Variants in ADAM9 observed in about 807,000 individuals in gnomAD.
The protein encoded by ADAM9 is ADAM metallopeptidase domain 9, also known as disintegrin and metalloproteinase domain-containing protein 9.
Under a neutral mutation model 108.1 loss-of-function variants are expected in ADAM9, and 54 were observed. The ratio of observed to expected loss-of-function variants is 0.50; its 90% CI spans 0.40 to 0.63. The LOEUF (loss-of-function observed/expected upper bound fraction) is 0.63, where lower values mean the gene tolerates loss of function less well. ADAM9 is among the 20% of genes least tolerant of loss of function. The pLI is 0.00. For synonymous variants in ADAM9, 316 were observed against 336.0 expected, an observed-to-expected ratio of 0.94 and a Z score of 0.65; for missense variants, 830 against 997.7, an observed-to-expected ratio of 0.83 and a Z score of 2.26.
At chr8:39,055,971 CTA>C (rs1241085965) in intron 14 of ADAM9, among the ~76,000 whole-genome samples, 199 bp downstream of exon 14, 2 of 151,946 alleles carry the variant, frequency 1.3e-5, no homozygotes, top group African/African-American at 4.8e-5. Context: ...TTTTTACTGT[CTA>C]TATCTTTTTA....
chr8:39,092,595 A>G (rs894603822), intron 20 of ADAM9, among the ~76,000 whole-genome samples: 2 of 152,020 alleles, frequency 1.3e-5, no homozygotes, highest in Non-Finnish European at 2.9e-5. Flanking sequence ...CATTTTAACC[A>G]TTGTTTTCAA....
At position 39,007,938 on chromosome 8, in the gene ADAM9, A is replaced by G. The variant is rs1321635082; in HGVS notation, c.150A>G (p.Arg50=). 1.1e-5 allele frequency: 18 copies of G among 1,612,286 alleles called. No individual in the cohort carries two copies. The highest frequency in any genetic ancestry group is 1.5e-5 in the Non-Finnish European group (18 of 1,179,240). Residue 50 remains arginine (R), a synonymous_variant, in exon 2 of 22, where the codon AGA becomes AGG. Coordinates refer to ENST00000487273, the MANE Select transcript of ADAM9 (RefSeq NM_003816.3). ...CTTATGAAATTATAACTCCTTGGAG[A>G]TTAACTAGAGAAAGAAGAGAAGCCC... ...LSSYEIITPW[R]LTRERREAPR...
intron 14 of ADAM9, among the ~76,000 whole-genome samples, chr8:39,064,928 G>C (rs1395150142): frequency 6.6e-6 from 1 of 152,100 alleles, no homozygotes; most frequent in Non-Finnish European, 1.5e-5. Flanking sequence ...TTTATACCTA[G>C]CTTTTCCCTC....
chr8:39,080,097 ATTAT>A lies in ADAM9; in HGVS notation c.1882-2537_1882-2534del, dbSNP rs138198898. Among the ~76,000 whole-genome samples, 1,374 of 152,040 alleles carry A rather than the reference ATTAT, an allele frequency of 9.0e-3. 19 individuals are homozygous for A. The highest frequency in any genetic ancestry group is 0.029 in the African/African-American group (1,198 of 41,486). ...ATCTTCCTCTTGCAGTATTACACAAATTATTTATTTGTGTGTGGGGTGTGTGTGT... is the reference window on the plus strand; with the variant it reads ...ATCTTCCTCTTGCAGTATTACACAAATTATTTGTGTGTGGGGTGTGTGTGT... On this transcript the variant is annotated intron_variant, in intron 16 of 21. Coordinates refer to ENST00000487273, the MANE Select transcript of ADAM9 (RefSeq NM_003816.3).
At chr8:39,011,092 CAA>C (rs34155093) in intron 2 of ADAM9, among the ~76,000 whole-genome samples, 19 of 72,894 alleles carry the variant, frequency 2.6e-4, no homozygotes, top group Non-Finnish European at 2.4e-4. Flanking sequence ...GACTCCATCT[CAA>C]AAAAAAAAAA....
chr8:39,086,129 C>T (rs1478490602), intron 18 of ADAM9, among the ~76,000 whole-genome samples: 2 of 152,092 alleles, frequency 1.3e-5, no homozygotes. Flanking sequence ...ATTCTTATGC[C>T]TCAGCCTCCT....
At position 39,042,172 on chromosome 8, in the gene ADAM9, A is replaced by G. The variant is rs985136454; in HGVS notation, c.1302+55A>G. The G allele has an allele frequency of 1.5e-4, 241 of 1,601,352 alleles. 3 individuals carry two copies. In the Admixed American group the frequency reaches 3.9e-3, roughly 26 times the overall value. Reference sequence around the variant, plus strand: ...AAAATTGCCATGATATTTGCAAGAAATAAAATGGCTTGCTTTGGGCAACTC... The same window carrying G: ...AAAATTGCCATGATATTTGCAAGAAGTAAAATGGCTTGCTTTGGGCAACTC... On this transcript the variant is annotated intron_variant, in intron 12 of 21. Transcript: ENST00000487273.
chr8:39,092,361 C>G (rs1350102357), intron 20 of ADAM9, among the ~76,000 whole-genome samples: 6 of 149,288 alleles, frequency 4.0e-5, no homozygotes. Context: ...CACACAATCT[C>G]CCTATTCCAC....
intron 2 of ADAM9, among the ~76,000 whole-genome samples, chr8:39,010,779 A>G (rs943927099): frequency 2.6e-5 from 4 of 152,088 alleles, no homozygotes; most frequent in African/African-American, 4.8e-5. Context: ...GAGACACACC[A>G]TATTGTTTTA....
intron 12 of ADAM9, among the ~76,000 whole-genome samples, chr8:39,046,677 A>C (rs1837784632): frequency 6.6e-6 from 1 of 152,098 alleles, no homozygotes; most frequent in African/African-American, 2.4e-5. Context: ...AAGGGTGTAG[A>C]ATTTTATCAA....
chr8:39,032,968 T>C (rs533237533), intron 11 of ADAM9, among the ~76,000 whole-genome samples: 1 of 152,308 alleles, frequency 6.6e-6, no homozygotes, highest in Non-Finnish European at 1.5e-5. Flanking sequence ...CACAAACTAA[T>C]TTGCTGGGAT....
chr8:39,030,736 T>A (rs920380745), intron 11 of ADAM9, among the ~76,000 whole-genome samples: 2 of 152,264 alleles, frequency 1.3e-5, no homozygotes, highest in Non-Finnish European at 1.5e-5. Context: ...GAATTGCTGT[T>A]GCTCTACATC....
intron 12 of ADAM9, among the ~76,000 whole-genome samples, chr8:39,051,250 A>C (rs992075722): frequency 4.6e-5 from 7 of 152,158 alleles, no homozygotes; most frequent in Admixed American, 2.0e-4. Context: ...CTCCTCAGGG[A>C]GATGCTGAGA....
In ADAM9 at chr8:39,079,781, C is replaced by T. The variant is rs150462117; in HGVS notation, c.1881+2370C>T. ...TGTGTTTTTAGTAGAGACGGGGTTTCGCCATATTGGCCAGACTGGTCTCGA... is the reference window on the plus strand; with the variant it reads ...TGTGTTTTTAGTAGAGACGGGGTTTTGCCATATTGGCCAGACTGGTCTCGA... On this transcript the variant is annotated intron_variant, in intron 16 of 21. Coordinates refer to ENST00000487273, the MANE Select transcript of ADAM9 (RefSeq NM_003816.3). Among the ~76,000 whole-genome samples the T allele has an allele frequency of 7.9e-5, 12 of 152,190 alleles. No homozygotes were observed. The East Asian group carries it at 1.7e-3, about 22-fold the overall frequency.
chr8:39,104,838 C>T lies in ADAM9; in HGVS notation c.*1138C>T, dbSNP rs576534966. The T allele has an allele frequency of 2.7e-5, 12 of 451,374 alleles. No individual in the cohort carries two copies. The highest frequency in any genetic ancestry group is 2.4e-4 in the Admixed American group (10 of 42,212). 28.0% of individuals were successfully genotyped at this position (451,374 alleles called of 1,614,324 possible). A position where few individuals can be genotyped will look rare whatever the true frequency, so the allele number is the denominator to read the frequency against. On this transcript the variant is annotated 3_prime_UTR_variant, in exon 22 of 22. Transcript: ENST00000487273. Reference sequence around the variant, plus strand: ...TTACTATGGCAGATATGGTATGGATCGTAAAATTTTAAGCACTAAAAATTT... The same window carrying T: ...TTACTATGGCAGATATGGTATGGATTGTAAAATTTTAAGCACTAAAAATTT...
chr8:39,036,363 T>C (rs1837275578), intron 11 of ADAM9, among the ~76,000 whole-genome samples: 1 of 109,998 alleles, frequency 9.1e-6, no homozygotes, highest in Admixed American at 1.0e-4. Flanking sequence ...TAGAATCTTC[T>C]CTTAAGACTT....
intron 1 of ADAM9, among the ~76,000 whole-genome samples, chr8:39,005,668 CAG>C (rs1287154631): frequency 6.6e-6 from 1 of 152,160 alleles, no homozygotes; most frequent in African/African-American, 2.4e-5. Flanking sequence ...GGGAAAAACT[CAG>C]AAACAACTGA....
Position 39,021,642 on chromosome 8 carries a change from G to A in ADAM9, c.673-1G>A. 6.2e-7 allele frequency: 1 copy of A among 1,613,592 alleles called. No individual in the cohort carries two copies. On this transcript the variant is annotated splice_acceptor_variant, in intron 7 of 21. Coordinates refer to ENST00000487273, the MANE Select transcript of ADAM9 (RefSeq NM_003816.3). LOFTEE classifies it high-confidence loss of function. ...ATGATTCTCCTTCTTTGCTTTTCCA[G>A]TATGACATGATGGGAAGAAATCAGA...
chr8:39,034,415 A>G (rs565236963), intron 11 of ADAM9, among the ~76,000 whole-genome samples: 57 of 152,284 alleles, frequency 3.7e-4, no homozygotes, highest in African/African-American at 1.3e-3. Flanking sequence ...GTGTGCCAGG[A>G]AGATATTAGT....
Sources: gnomAD v4.1 joint callset for allele counts (sites outside exome capture counted in the v4.1 genomes callset) on GRCh38, gnomAD v4.1.1 for gene constraint, MANE v1.5 for transcripts, NCBI Gene and HGNC (gene_info 2026-07-23, HGNC 2026-07-21) for gene names.